Variants in GRM3 observed in about 807,000 individuals in gnomAD.
GRM3 encodes the protein metabotropic glutamate receptor 3.
A neutral mutation model predicts 70.5 loss-of-function variants in GRM3; 26 were observed. The ratio of observed to expected loss-of-function variants is 0.37; its 90% CI spans 0.27 to 0.51. GRM3 has a LOEUF of 0.51. Ranked by LOEUF, GRM3 falls within the 20% of genes least tolerant of loss-of-function variation. The pLI is 0.93. For missense variants in GRM3, 859 were observed against 1,123.8 expected (o/e 0.76, Z 3.37); for synonymous variants, 443 against 434.9 (o/e 1.02, Z -0.23).
intron 1 of GRM3, among the ~76,000 whole-genome samples, chr7:86,661,755 T>C (rs73398407): frequency 0.036 from 5,421 of 151,956 alleles, 319 homozygotes; most frequent in African/African-American, 0.12. Flanking sequence ...TGTTCTGAAG[T>C]TAATTGCAAG....
intron 1 of GRM3, among the ~76,000 whole-genome samples, chr7:86,680,486 C>T (rs892856633): frequency 1.3e-5 from 2 of 152,184 alleles, no homozygotes; most frequent in East Asian, 3.9e-4. Context: ...TTCACCTTAC[C>T]TCCACAGTTT....
chr7:86,647,846 G>A (rs1309542284), intron 1 of GRM3, among the ~76,000 whole-genome samples: 1 of 152,162 alleles, frequency 6.6e-6, no homozygotes, highest in Non-Finnish European at 1.5e-5. Context: ...GTATTTTGGA[G>A]TACTTCAGTC....
At chr7:86,660,274 C>A (rs572821905) in intron 1 of GRM3, among the ~76,000 whole-genome samples, 3 of 151,930 alleles carry the variant, frequency 2.0e-5, no homozygotes, top group Non-Finnish European at 4.4e-5. Context: ...GAAATGATTG[C>A]GAATTAATTG....
chr7:86,706,467 AG>A (rs1378461760), intron 1 of GRM3, among the ~76,000 whole-genome samples: 1 of 152,104 alleles, frequency 6.6e-6, no homozygotes, highest in Non-Finnish European at 1.5e-5. Context: ...CATTCAGAAT[AG>A]GGGAGGTCAC....
chr7:86,756,830 G>A (rs562811159), intron 1 of GRM3, among the ~76,000 whole-genome samples: 1 of 152,132 alleles, frequency 6.6e-6, no homozygotes, highest in East Asian at 1.9e-4. Context: ...AATTTTGCAT[G>A]TGTTAGACTA....
chr7:86,751,706 A>G (rs1449085056), intron 1 of GRM3, among the ~76,000 whole-genome samples: 1 of 151,960 alleles, frequency 6.6e-6, no homozygotes, highest in Non-Finnish European at 1.5e-5. Flanking sequence ...TTACACCCAG[A>G]CTCATGGTTT....
At position 86,647,947 on chromosome 7, in the gene GRM3, G is replaced by A. The variant is rs150627038; in HGVS notation, c.-141+3075G>A. On this transcript the variant is annotated intron_variant, in intron 1 of 5. Transcript: ENST00000361669. ...AATGGTTCTCCCTATTAAGAACTTT[G>A]TTGTGATATTCAGCTTAATTTTCTC... 4.2e-3 allele frequency among the ~76,000 whole-genome samples: 647 copies of A among 152,264 alleles called. 4 individuals are homozygous for A. Among genetic ancestry groups the A allele is most frequent in the Non-Finnish European group, 7.8e-3 (529 of 67,998 alleles).
At chr7:86,827,234 A>T (rs1355740388) in intron 3 of GRM3, among the ~76,000 whole-genome samples, 1 of 152,238 alleles carries the variant, frequency 6.6e-6, no homozygotes, top group Non-Finnish European at 1.5e-5. Flanking sequence ...CTCACATTTT[A>T]GAATTATATA....
intron 3 of GRM3, among the ~76,000 whole-genome samples, chr7:86,795,321 T>TTATTTTATTTTATTTTATTTTA (rs1393884077): frequency 4.0e-5 from 6 of 151,286 alleles, no homozygotes; most frequent in Non-Finnish European, 4.4e-5. Flanking sequence ...TTATTTTATG[T>TTATTTTATTTTATTTTATTTTA]TCCAGGATAC....
chr7:86,778,704 CA>C (rs1796961112), intron 2 of GRM3, among the ~76,000 whole-genome samples: 1 of 152,054 alleles, frequency 6.6e-6, no homozygotes, highest in Non-Finnish European at 1.5e-5. Context: ...CAATGCACAA[CA>C]TGTGATAAAT....
In GRM3 at chr7:86,839,224, C is replaced by A; in HGVS notation, c.1710C>A (p.Ile570=). ...GCTATGACCTTCCTGAGGACTACAT[C>A]AGGTGGGAAGACGCCTGGGCCATTG... is the stretch of plus-strand genomic sequence containing the variant. The part of the protein sequence containing the change: ...TGCYDLPEDY[I]RWEDAWAIGP... Residue 570 remains isoleucine (I), a synonymous_variant, in exon 4 of 6, where the codon ATC becomes ATA. Transcript: ENST00000361669. This position sits in a 1 kb window ranked among gnomAD's most constrained non-coding sequence, Gnocchi z 4.5. The A allele has an allele frequency of 6.2e-7, 1 of 1,613,860 alleles. No homozygotes were observed. Among genetic ancestry groups the A allele is most frequent in the Middle Eastern group, 1.7e-4 (1 of 6,058 alleles).
chr7:86,741,144 T>C (rs934036692), intron 1 of GRM3, among the ~76,000 whole-genome samples: 2 of 151,948 alleles, frequency 1.3e-5, no homozygotes, highest in Admixed American at 1.3e-4. Context: ...AGAGTCCCCG[T>C]TTTGGGATGT....
At chr7:86,762,474 A>G (rs1562852271) in intron 1 of GRM3, among the ~76,000 whole-genome samples, 1 of 152,148 alleles carries the variant, frequency 6.6e-6, no homozygotes, top group Non-Finnish European at 1.5e-5. Context: ...AAAGGGAGAA[A>G]TGTCAAAAAT....
intron 2 of GRM3, among the ~76,000 whole-genome samples, chr7:86,772,037 A>T (rs1303379874): frequency 6.6e-6 from 1 of 152,092 alleles, no homozygotes; most frequent in South Asian, 2.1e-4. Flanking sequence ...CTTCATGTAC[A>T]TGCCCCTCCA....
chr7:86,666,850 G>C (rs1195434196), intron 1 of GRM3, among the ~76,000 whole-genome samples: 2 of 152,016 alleles, frequency 1.3e-5, no homozygotes, highest in African/African-American at 4.8e-5. Context: ...ATCCCATATG[G>C]ATACCTGTTC....
intron 1 of GRM3, among the ~76,000 whole-genome samples, chr7:86,718,287 C>T (rs970593390): frequency 1.3e-5 from 2 of 151,866 alleles, no homozygotes; most frequent in Admixed American, 1.3e-4. Flanking sequence ...AACTAGCCAC[C>T]ACCTAAGATT....
chr7:86,786,217 T>C lies in GRM3; in HGVS notation c.469-44T>C, dbSNP rs755159994. 4 of 1,546,908 alleles carry C rather than the reference T, an allele frequency of 2.6e-6. No individual in the cohort carries two copies. The highest frequency in any genetic ancestry group is 1.8e-5 in the Admixed American group (1 of 54,236). On this transcript the variant is annotated intron_variant, in intron 2 of 5. Transcript: ENST00000361669. The surrounding 1 kb of genome is among the most constrained non-coding windows in gnomAD (Gnocchi z 6.0). Reference sequence around the variant, plus strand: ...TTATTCATTTTCATGTCCAGTCATCTACCTCGGGGTTTCTAACAAAGGTCC... The same window carrying C: ...TTATTCATTTTCATGTCCAGTCATCCACCTCGGGGTTTCTAACAAAGGTCC...
intron 2 of GRM3, among the ~76,000 whole-genome samples, chr7:86,782,682 A>G (rs1298469716): frequency 6.6e-6 from 1 of 152,192 alleles, no homozygotes; most frequent in African/African-American, 2.4e-5. Context: ...GACAGCACCC[A>G]TTCTGTGTTG....
chr7:86,805,849 TTA>T (rs1324088488), intron 3 of GRM3, among the ~76,000 whole-genome samples: 3 of 152,164 alleles, frequency 2.0e-5, no homozygotes, highest in Admixed American at 6.5e-5. Flanking sequence ...GTTGCACTCA[TTA>T]ACTCATCATT....
Sources: gnomAD v4.1 joint callset for allele counts (sites outside exome capture counted in the v4.1 genomes callset) on GRCh38, gnomAD v4.1.1 for gene constraint, Gnocchi (gnomAD v3.1) non-coding constraint, MANE v1.5 for transcripts, NCBI Gene and HGNC (gene_info 2026-07-23, HGNC 2026-07-21) for gene names.